The following DCC variants were observed in gnomAD, a reference collection of about 807,000 sequenced individuals.
The protein encoded by DCC is netrin receptor DCC.
Under a neutral mutation model 172.5 loss-of-function variants are expected in DCC, and 58 were observed. That is an observed-to-expected ratio of 0.34 (90% confidence interval 0.27 to 0.42). The LOEUF is 0.42. Among genes scored for constraint, DCC ranks in the 10% least tolerant of loss-of-function variants. DCC has a pLI of 1.00. For missense variants in DCC, 1,740 were observed against 1,791.0 expected, an observed-to-expected ratio of 0.97 and a Z score of 0.51; for synonymous variants, 709 against 644.5, an observed-to-expected ratio of 1.10 and a Z score of -1.52.
chr18:53,354,173 T>C (rs892237455), intron 15 of DCC, among the ~76,000 whole-genome samples: 9 of 152,236 alleles, frequency 5.9e-5, no homozygotes, highest in Non-Finnish European at 1.3e-4. Flanking sequence ...TGATGGACAT[T>C]TGGGTTGGTT....
intron 1 of DCC, among the ~76,000 whole-genome samples, chr18:52,715,560 C>T (rs1341339152): frequency 6.6e-6 from 1 of 152,134 alleles, no homozygotes; most frequent in East Asian, 1.9e-4. Context: ...CTGCCTCAGC[C>T]TCCCAATATG....
chr18:53,294,476 G>T (rs2057042940), intron 12 of DCC, among the ~76,000 whole-genome samples: 1 of 152,188 alleles, frequency 6.6e-6, no homozygotes, highest in Non-Finnish European at 1.5e-5. Flanking sequence ...AAGGCTAGTA[G>T]GTTTTGCTGG....
intron 1 of DCC, among the ~76,000 whole-genome samples, chr18:52,601,603 T>C (rs995689231): frequency 3.9e-5 from 6 of 152,068 alleles, no homozygotes; most frequent in African/African-American, 1.4e-4. Flanking sequence ...TATTAACTCC[T>C]TCTGAGGTTT....
At chr18:52,762,854 G>A (rs958240126) in intron 2 of DCC, among the ~76,000 whole-genome samples, 1 of 152,256 alleles carries the variant, frequency 6.6e-6, no homozygotes, top group Non-Finnish European at 1.5e-5. Context: ...GTGGGATATA[G>A]TTTGTGTGAC....
At chr18:53,119,155 A>G (rs747198529) in intron 7 of DCC, among the ~76,000 whole-genome samples, 44 of 151,924 alleles carry the variant, frequency 2.9e-4, no homozygotes, top group Non-Finnish European at 5.0e-4. Flanking sequence ...TCAGAGACCA[A>G]TGCATGTCCA....
intron 2 of DCC, among the ~76,000 whole-genome samples, chr18:52,796,436 G>C (rs2037879163): frequency 6.6e-6 from 1 of 151,988 alleles, no homozygotes; most frequent in Non-Finnish European, 1.5e-5. Flanking sequence ...GTATTTCCAT[G>C]ATGGTAGATA....
At chr18:53,409,333 CAAAAG>C (rs963008839) in intron 19 of DCC, among the ~76,000 whole-genome samples, 5 of 152,120 alleles carry the variant, frequency 3.3e-5, no homozygotes, top group African/African-American at 1.2e-4. Context: ...AAGAGGGACT[CAAAAG>C]GAAAGAATAG....
chr18:52,477,274 G>A (rs984276636), intron 1 of DCC, among the ~76,000 whole-genome samples: 3 of 152,174 alleles, frequency 2.0e-5, no homozygotes, highest in Admixed American at 6.5e-5. Flanking sequence ...ATATGGTTGA[G>A]TGTGGTTCAC....
At chr18:53,336,679 C>CT (rs1165791434) in intron 14 of DCC, among the ~76,000 whole-genome samples, 1 of 152,200 alleles carries the variant, frequency 6.6e-6, no homozygotes, top group Non-Finnish European at 1.5e-5. Context: ...TAGCAAAACT[C>CT]TGTCTCTACA....
At chr18:53,326,336 A>G (rs1251372826) in intron 14 of DCC, among the ~76,000 whole-genome samples, 2 of 152,234 alleles carry the variant, frequency 1.3e-5, no homozygotes, top group Non-Finnish European at 1.5e-5. Context: ...ATTTAACTGC[A>G]TAAATATGTG....
chr18:53,347,207 G>T (rs551596447), intron 15 of DCC, among the ~76,000 whole-genome samples: 1 of 152,142 alleles, frequency 6.6e-6, no homozygotes, highest in Non-Finnish European at 1.5e-5. Context: ...ACAGTACTGG[G>T]GTGCTTTCCA....
intron 22 of DCC, among the ~76,000 whole-genome samples, chr18:53,439,302 G>C (rs1475036700): frequency 6.6e-6 from 1 of 152,190 alleles, no homozygotes; most frequent in Non-Finnish European, 1.5e-5. Flanking sequence ...TGTTTTCCAA[G>C]TAGATGTGCA....
intron 5 of DCC, among the ~76,000 whole-genome samples, chr18:52,999,776 A>C (rs2143838382): frequency 6.6e-6 from 1 of 152,206 alleles, no homozygotes; most frequent in African/African-American, 2.4e-5. Flanking sequence ...AACACCTGTT[A>C]TTTTTTGAGC....
At chr18:52,457,383 C>A (rs1423997655) in intron 1 of DCC, among the ~76,000 whole-genome samples, 1 of 152,062 alleles carries the variant, frequency 6.6e-6, no homozygotes, top group Admixed American at 6.6e-5. Flanking sequence ...TATCTTTATG[C>A]CACACATTAA....
At chr18:53,198,435 C>T (rs943504231) in intron 9 of DCC, among the ~76,000 whole-genome samples, 5 of 44,430 alleles carry the variant, frequency 1.1e-4, no homozygotes, top group Admixed American at 8.7e-4. Context: ...CTGAGCAGCT[C>T]TCTCTCTCTC....
At chr18:52,965,844 C>T (rs925099048) in intron 5 of DCC, among the ~76,000 whole-genome samples, 2 of 152,118 alleles carry the variant, frequency 1.3e-5, no homozygotes, top group Non-Finnish European at 2.9e-5. Context: ...CCACTGGATC[C>T]ATTAGCTCAA....
chr18:52,562,616 G>T (rs1309118005), intron 1 of DCC, among the ~76,000 whole-genome samples: 1 of 151,934 alleles, frequency 6.6e-6, no homozygotes, highest in African/African-American at 2.4e-5. Flanking sequence ...ACAATATTCA[G>T]TTTTGCATCT....
intron 12 of DCC, among the ~76,000 whole-genome samples, chr18:53,270,733 C>A (rs2056739418): frequency 6.6e-6 from 1 of 152,004 alleles, no homozygotes; most frequent in Non-Finnish European, 1.5e-5. Context: ...TGTTTTAGGG[C>A]CCTAACCTAT....
intron 1 of DCC, among the ~76,000 whole-genome samples, chr18:52,518,045 A>G (rs1165911873): frequency 6.6e-6 from 1 of 152,092 alleles, no homozygotes; most frequent in Non-Finnish European, 1.5e-5. Flanking sequence ...CTTATTCCAG[A>G]TTGTGGCATT....
Sources: gnomAD v4.1 joint callset for allele counts (sites outside exome capture counted in the v4.1 genomes callset) on GRCh38, gnomAD v4.1.1 for gene constraint, MANE v1.5 for transcripts, NCBI Gene and HGNC (gene_info 2026-07-23, HGNC 2026-07-21) for gene names.